FHAD1: variants seen among roughly 807,000 people sequenced by gnomAD.
FHAD1 encodes forkhead associated phosphopeptide binding domain 1, also known as forkhead-associated domain-containing protein 1.
FHAD1 carries 146 observed loss-of-function variants against 191.3 expected under a neutral mutation model. The ratio of observed to expected loss-of-function variants is 0.76; its 90% CI spans 0.67 to 0.88. FHAD1 has a LOEUF of 0.88. FHAD1 is among the 40% of genes least tolerant of loss of function. The pLI, the probability that FHAD1 is intolerant of heterozygous loss-of-function variation, is 0.00. For synonymous variants in FHAD1, 616 were observed against 672.3 expected (o/e 0.92, Z 1.29); for missense variants, 1,635 against 1,785.8 (o/e 0.92, Z 1.52).
At chr1:15,366,927 C>T (rs1020476764) in intron 24 of FHAD1, among the ~76,000 whole-genome samples, 2 of 152,222 alleles carry the variant, frequency 1.3e-5, no homozygotes, top group African/African-American at 4.8e-5. Context: ...GAAGATGGAA[C>T]TAAGCCCGGG....
chr1:15,329,509 A>G lies in FHAD1; in HGVS notation c.1874A>G (p.Asp625Gly). ...WLEEVEQLLR[D>G]LGILPSSPNK... is the part of the protein sequence containing the mutation. ...GAGGAGGTGGAGCAGCTCCTCCGGGACCTCGGGATCCTGCCCTCCAGCCCC... is the reference window on the plus strand; with the variant it reads ...GAGGAGGTGGAGCAGCTCCTCCGGGGCCTCGGGATCCTGCCCTCCAGCCCC... The change falls in exon 14 of 34, where the codon GAC becomes GGC. Residue 625 changes from aspartate (D) to glycine (G), a missense_variant. Transcript: ENST00000688493. This position sits in a 1 kb window ranked among gnomAD's most constrained non-coding sequence, Gnocchi z 5.0. 6.4e-7 allele frequency: 1 copy of G among 1,550,794 alleles called. No homozygotes were observed. The highest frequency in any genetic ancestry group is 8.7e-7 in the Non-Finnish European group (1 of 1,146,842).
At chr1:15,400,725 C>T (rs1412487348), downstream of FHAD1, among the ~76,000 whole-genome samples, 1 of 152,192 alleles carries the variant, frequency 6.6e-6, no homozygotes, top group African/African-American at 2.4e-5. Context: ...CTAGAGAGGC[C>T]TTCCACTGCC....
Position 15,289,515 on chromosome 1 carries a change from C to T in FHAD1, c.417C>T (p.Val139=). The change falls in exon 4 of 34, where the codon GTC becomes GTT. Residue 139 remains valine (V), a synonymous_variant. Coordinates refer to ENST00000688493, the MANE Select transcript of FHAD1 (RefSeq NM_001391957.1). The surrounding 1 kb of genome is among the most constrained non-coding windows in gnomAD (Gnocchi z 4.2). Reference sequence around the variant, plus strand: ...CACATATCCCCTTCCACCAAGGTGTCCAGCCAGCACCGATGCAAAGGAGCT... The same window carrying T: ...CACATATCCCCTTCCACCAAGGTGTTCAGCCAGCACCGATGCAAAGGAGCT... ...PPSHIPFHQG[V]QPAPMQRSWS... The T allele has an allele frequency of 6.4e-7, 1 of 1,551,886 alleles. No individual in the cohort carries two copies. Among genetic ancestry groups the T allele is most frequent in the Non-Finnish European group, 8.7e-7 (1 of 1,147,044 alleles).
At chr1:15,378,836 G>A (rs1305883683) in intron 28 of FHAD1, among the ~76,000 whole-genome samples, 1 of 151,950 alleles carries the variant, frequency 6.6e-6, no homozygotes, top group South Asian at 2.1e-4. Context: ...CTTGGTGTTC[G>A]TGGCGAGCAC....
intron 6 of FHAD1, among the ~76,000 whole-genome samples, chr1:15,302,531 C>A (rs1345191643): frequency 6.6e-6 from 1 of 152,134 alleles, no homozygotes; most frequent in African/African-American, 2.4e-5. Flanking sequence ...CAAGACCATC[C>A]TGGCTAACAC....
intron 32 of FHAD1, among the ~76,000 whole-genome samples, chr1:15,390,341 T>C (rs1703619115): frequency 1.0e-5 from 1 of 98,288 alleles, no homozygotes; most frequent in African/African-American, 5.5e-5. Flanking sequence ...TAAGACTCTG[T>C]CTCAAAAAAA....
At chr1:15,271,326 G>A (rs140249716) in intron 2 of FHAD1, among the ~76,000 whole-genome samples, 1,612 of 152,152 alleles carry the variant, frequency 0.011, 14 homozygotes, top group Non-Finnish European at 0.016. Flanking sequence ...AATAAAAGAC[G>A]AAGACTTCAG....
rs74053803 is a variant in FHAD1 at position 15,238,822 on chromosome 1, A to T, written c.-15+2061A>T. On this transcript the variant is annotated intron_variant, in intron 1 of 33. Transcript: ENST00000683790. ...CAGAAAAATACACATAGGCCCAGAC[A>T]CATCAAAGCTTCCTCCCAATTTCAG... Among the ~76,000 whole-genome samples the T allele has an allele frequency of 4.2e-3, 642 of 152,310 alleles. 7 individuals are homozygous for T. The highest frequency in any genetic ancestry group is 0.015 in the African/African-American group (614 of 41,560).
chr1:15,345,328 G>C (rs1426117326), intron 17 of FHAD1, 88 bp from the exon 18 acceptor site: 2 of 1,386,756 alleles, frequency 1.4e-6, no homozygotes, highest in African/African-American at 1.4e-5. Flanking sequence ...GTGTAGTCTG[G>C]AGGGAAGAGG....
At chr1:15,323,409 A>G (rs1677031642) in intron 10 of FHAD1, among the ~76,000 whole-genome samples, 1 of 151,720 alleles carries the variant, frequency 6.6e-6, no homozygotes, top group Non-Finnish European at 1.5e-5. Flanking sequence ...TACACCTGAG[A>G]GGATGTAAGT....
chr1:15,258,897 C>T (rs1289259541), intron 2 of FHAD1, among the ~76,000 whole-genome samples: 2 of 152,094 alleles, frequency 1.3e-5, no homozygotes, highest in South Asian at 2.1e-4. Context: ...TCTTCAAGCC[C>T]CTGCTTTCAG....
At chr1:15,395,286 C>T (rs11584192) in intron 33 of FHAD1, among the ~76,000 whole-genome samples, 33,412 of 140,824 alleles carry the variant, frequency 0.24, 3,949 homozygotes, top group Middle Eastern at 0.38. Context: ...CCAGCCTGGG[C>T]GACAGAGCAA....
rs200705830 is a variant in FHAD1, at chr1:15,327,112, G to C, written c.1527G>C (p.Pro509=). ...VIKATYGRAK[P]FRDKPVTDQQ... ...AGGCCACCTATGGACGGGCGAAGCC[G>C]TTCCGGGACAAGCCCGTCACCGACC... Residue 509 remains proline (P), a synonymous_variant, in exon 12 of 34, where the codon CCG becomes CCC. Coordinates refer to ENST00000688493, the MANE Select transcript of FHAD1 (RefSeq NM_001391957.1). The surrounding 1 kb of genome is among the most constrained non-coding windows in gnomAD (Gnocchi z 5.1). The C allele has an allele frequency of 6.4e-7, 1 of 1,551,154 alleles. No individual in the cohort carries two copies. Among genetic ancestry groups the C allele is most frequent in the Admixed American group, 2.0e-5 (1 of 50,954 alleles).
intron 4 of FHAD1, among the ~76,000 whole-genome samples, chr1:15,293,168 G>T (rs1256025164): frequency 6.6e-6 from 1 of 152,120 alleles, no homozygotes; most frequent in Non-Finnish European, 1.5e-5. Context: ...TTTGACAATT[G>T]TATACACTTG....
intron 2 of FHAD1, among the ~76,000 whole-genome samples, chr1:15,263,678 C>A (rs937740371): frequency 1.3e-5 from 2 of 151,992 alleles, no homozygotes; most frequent in South Asian, 2.1e-4. Context: ...CCTGCCACCA[C>A]GCCCAACTAA....
intron 21 of FHAD1, among the ~76,000 whole-genome samples, chr1:15,359,349 G>C (rs1197610087): frequency 1.3e-5 from 2 of 152,120 alleles, no homozygotes. Context: ...GGCAAAGAAT[G>C]TATCTGTCAT....
chr1:15,350,337 C>G (rs1690423329), intron 19 of FHAD1, among the ~76,000 whole-genome samples: 1 of 152,200 alleles, frequency 6.6e-6, no homozygotes. Context: ...TGGAGAGTGC[C>G]CGAGGGCAGG....
chr1:15,308,572 G>A (rs368262816), intron 6 of FHAD1, 41 bp from the exon 7 acceptor site: 26 of 1,548,750 alleles, frequency 1.7e-5, no homozygotes, highest in Admixed American at 4.0e-5. Context: ...TCTCCCAGAC[G>A]TGGGCCAGCC....
Position 15,381,850 on chromosome 1 carries a change from A to AGAGCCGAAC in FHAD1, c.4023-178_4023-177insGAGCCGAAC, listed in dbSNP as rs1700986145. Among the ~76,000 whole-genome samples, 1 of 151,656 alleles carries AGAGCCGAAC rather than the reference A, an allele frequency of 6.6e-6. No homozygotes were observed. The highest frequency in any genetic ancestry group is 1.5e-5 in the Non-Finnish European group (1 of 67,992). ...CCCTCCCGCTACACACATTCGGCTG[A>AGAGCCGAAC]TGAATGGCTCGTTCTGCTCTCTGTA... On this transcript the variant is annotated intron_variant, in intron 30 of 33. Transcript: ENST00000688493. This position sits in a 1 kb window ranked among gnomAD's most constrained non-coding sequence, Gnocchi z 4.6.
Sources: gnomAD v4.1 joint callset for allele counts (sites outside exome capture counted in the v4.1 genomes callset) on GRCh38, gnomAD v4.1.1 for gene constraint, Gnocchi (gnomAD v3.1) non-coding constraint, MANE v1.5 for transcripts, NCBI Gene and HGNC (gene_info 2026-07-23, HGNC 2026-07-21) for gene names.